SMR3A: variants seen among roughly 807,000 people sequenced by gnomAD.
SMR3A encodes the protein submaxillary gland androgen-regulated protein 3A.
For missense variants in SMR3A, 188 were observed against 163.0 expected (o/e 1.15, Z -0.84); for synonymous variants, 48 against 57.4 (o/e 0.84, Z 0.74).
At chr4:70,362,298 G>C (rs1732166881) in intron 2 of SMR3A, 129 bp downstream of exon 2, 13 of 1,485,162 alleles carry the variant, frequency 8.8e-6, no homozygotes, top group Admixed American at 2.3e-5. Flanking sequence ...ATGAAACACT[G>C]TTCTAGTGGT....
At chr4:70,364,501 A>G (rs1410382244) in intron 2 of SMR3A, among the ~76,000 whole-genome samples, 1 of 83,538 alleles carries the variant, frequency 1.2e-5, no homozygotes, top group Admixed American at 1.3e-4. Flanking sequence ...AATGGCAGAT[A>G]TTACTTGCAG....
chr4:70,362,284 G>A (rs1842476), intron 2 of SMR3A, 115 bp downstream of exon 2: 1,466,055 of 1,531,160 alleles, frequency 0.96, 702,056 homozygotes, highest in East Asian at 1. Context: ...ACTATTAACC[G>A]TTGATGAAAC....
intron 2 of SMR3A, among the ~76,000 whole-genome samples, chr4:70,365,218 T>G (rs924911397): frequency 6.6e-5 from 10 of 152,006 alleles, no homozygotes; most frequent in Admixed American, 1.3e-4. Flanking sequence ...CCTAATGTAT[T>G]TGTTCCTTGC....
intron 2 of SMR3A, among the ~76,000 whole-genome samples, chr4:70,366,132 AT>A (rs550970744): frequency 5.9e-5 from 9 of 152,016 alleles, no homozygotes; most frequent in Non-Finnish European, 1.3e-4. Flanking sequence ...AAAACTCATT[AT>A]TATCTCAGTT....
chr4:70,361,541 A>G (rs1732146759), intron 1 of SMR3A, among the ~76,000 whole-genome samples: 1 of 151,874 alleles, frequency 6.6e-6, no homozygotes, highest in Non-Finnish European at 1.5e-5. Flanking sequence ...GACTAAATTA[A>G]TTTAGTGGAA....
intron 2 of SMR3A, among the ~76,000 whole-genome samples, chr4:70,364,306 A>G (rs535099896): frequency 1.3e-5 from 2 of 152,094 alleles, no homozygotes; most frequent in African/African-American, 4.8e-5. Flanking sequence ...CAAGAGGTCA[A>G]ATCAACGGGC....
Position 70,367,014 on chromosome 4 carries a change from G to T in SMR3A, c.*20G>T, listed in dbSNP as rs1373920692. ...CCCTAAATACAGACAACTGCAACAG[G>T]TGCCACCACCCACAAAAGACAACAC... On this transcript the variant is annotated 3_prime_UTR_variant, in exon 3 of 3. Transcript: ENST00000226460. The T allele has an allele frequency of 1.9e-6, 3 of 1,602,882 alleles. No individual in the cohort carries two copies. The highest frequency in any genetic ancestry group is 3.4e-5 in the Admixed American group (2 of 59,594).
chr4:70,362,845 C>G (rs1447429518), intron 2 of SMR3A, among the ~76,000 whole-genome samples: 1 of 151,748 alleles, frequency 6.6e-6, no homozygotes, highest in Non-Finnish European at 1.5e-5. Flanking sequence ...ACCATAAAAT[C>G]TATTATATCA....
intron 1 of SMR3A, among the ~76,000 whole-genome samples, chr4:70,361,425 G>A (rs1732144333): frequency 6.6e-6 from 1 of 151,826 alleles, no homozygotes; most frequent in Non-Finnish European, 1.5e-5. Flanking sequence ...TTCACAAATT[G>A]TGAGCCAACT....
chr4:70,360,837 G>T lies in SMR3A; in HGVS notation c.-20G>T, dbSNP rs190640098. The T allele has an allele frequency of 2.0e-5, 3 of 151,856 alleles. No homozygotes were observed. Among genetic ancestry groups the T allele is most frequent in the Admixed American group, 6.6e-5 (1 of 15,202 alleles). The allele number at this position is 151,856 out of a possible 1,614,324, so 9.4% of individuals were successfully genotyped here. ...AATCAACTCTAAGACAGATCCTCAC[G>T]CAAAGGTATGTACCTGGAAATATTA... On this transcript the variant is annotated 5_prime_UTR_variant, in exon 1 of 3. Coordinates refer to ENST00000226460, the MANE Select transcript of SMR3A (RefSeq NM_012390.4).
intron 2 of SMR3A, among the ~76,000 whole-genome samples, chr4:70,365,720 G>T (rs75925624): frequency 0.13 from 19,636 of 151,956 alleles, 1,643 homozygotes; most frequent in South Asian, 0.38. Flanking sequence ...CTGGCAAACT[G>T]CCAGGTTGAC....
At chr4:70,363,292 A>T (rs1732187333) in intron 2 of SMR3A, among the ~76,000 whole-genome samples, 1 of 151,972 alleles carries the variant, frequency 6.6e-6, no homozygotes, top group African/African-American at 2.4e-5. Flanking sequence ...AGTTGATATG[A>T]TAATGATGAT....
At chr4:70,364,961 A>G (rs1339851344) in intron 2 of SMR3A, among the ~76,000 whole-genome samples, 1 of 151,978 alleles carries the variant, frequency 6.6e-6, no homozygotes, top group Non-Finnish European at 1.5e-5. Flanking sequence ...CAAATAGGTG[A>G]AGGGACTGAG....
intron 1 of SMR3A, 121 bp from the exon 2 acceptor site, chr4:70,361,981 A>T: frequency 6.9e-7 from 1 of 1,457,642 alleles, no homozygotes; most frequent in Non-Finnish European, 9.1e-7. Flanking sequence ...TGTTAGGCAA[A>T]TTTCCTAAAA....
chr4:70,365,963 T>C (rs1158469556), intron 2 of SMR3A, among the ~76,000 whole-genome samples: 1 of 152,064 alleles, frequency 6.6e-6, no homozygotes, highest in Non-Finnish European at 1.5e-5. Flanking sequence ...ATCTATTTTT[T>C]CCAGTCAATA....
chr4:70,365,935 A>G (rs965279578), intron 2 of SMR3A, among the ~76,000 whole-genome samples: 6 of 152,086 alleles, frequency 3.9e-5, no homozygotes, highest in Non-Finnish European at 7.4e-5. Flanking sequence ...CAGGCCAAGG[A>G]TAAGATTTTT....
Position 70,366,652 on chromosome 4 carries a change from G to A in SMR3A, c.63G>A (p.Glu21=), listed in dbSNP as rs149268035. ...WALAACFTPG[E]SQRGPRGPYP... is the part of the protein sequence containing the mutation. ...CTTCTTTGTTTCCACAGCCTGGTGA[G>A]AGTCAAAGAGGCCCCAGGGGACCAT... The change falls in exon 3 of 3, where the codon GAG becomes GAA. Residue 21 remains glutamate (E), a synonymous_variant. Transcript: ENST00000226460. 6,179 of 1,604,764 alleles carry A rather than the reference G, an allele frequency of 3.9e-3. 157 individuals carry two copies. In the Admixed American group the frequency reaches 0.045, roughly 12 times the overall value.
chr4:70,362,188 G>T lies in SMR3A; in HGVS notation c.54+19G>T. 1 of 1,611,470 alleles carries T rather than the reference G, an allele frequency of 6.2e-7. No individual in the cohort carries two copies. The highest frequency in any genetic ancestry group is 8.5e-7 in the Non-Finnish European group (1 of 1,178,152). On this transcript the variant is annotated intron_variant, in intron 2 of 2. Transcript: ENST00000226460. ...TTTCACAGTAAGTATCATTAATCACGATCACACATCTTTATACTTTCTCAT... is the reference window on the plus strand; with the variant it reads ...TTTCACAGTAAGTATCATTAATCACTATCACACATCTTTATACTTTCTCAT...
At chr4:70,365,192 C>T (rs1344645935) in intron 2 of SMR3A, among the ~76,000 whole-genome samples, 2 of 152,014 alleles carry the variant, frequency 1.3e-5, no homozygotes, top group East Asian at 3.9e-4. Flanking sequence ...CTATCCAGAA[C>T]TGATCTCTTT....
Sources: gnomAD v4.1 joint callset for allele counts (sites outside exome capture counted in the v4.1 genomes callset) on GRCh38, gnomAD v4.1.1 for gene constraint, MANE v1.5 for transcripts, NCBI Gene and HGNC (gene_info 2026-07-23, HGNC 2026-07-21) for gene names.